The following SCRG1 variants were observed in gnomAD, a reference collection of about 807,000 sequenced individuals.
SCRG1 encodes the protein scrapie-responsive protein 1.
In SCRG1, 3 loss-of-function variants were observed where a neutral mutation model predicts 7.7. The observed-to-expected ratio is 0.39, with a 90% confidence interval of 0.18 to 1.01. The LOEUF is 1.01. Ranked by LOEUF, SCRG1 falls within the 50% of genes least tolerant of loss-of-function variation. The pLI is 0.36. For synonymous variants in SCRG1, 46 were observed against 41.2 expected, an observed-to-expected ratio of 1.12 and a Z score of -0.44; for missense variants, 110 against 117.2, an observed-to-expected ratio of 0.94 and a Z score of 0.28.
chr4:173,470,102 TTC>T, the SCRG1 span: 1 of 146,496 alleles, frequency 6.8e-6, no homozygotes, highest in East Asian at 2.1e-4. Flanking sequence ...TTTCTCTTTT[TTC>T]TCTCTCTCCC....
the SCRG1 span, among the ~76,000 whole-genome samples, chr4:173,444,117 G>A: frequency 1.3e-5 from 2 of 152,052 alleles, no homozygotes; most frequent in Admixed American, 1.3e-4. Context: ...GGGATTACAG[G>A]TGCCCGCCAC....
At chr4:173,434,556 C>G in the SCRG1 span, among the ~76,000 whole-genome samples, 1 of 152,134 alleles carries the variant, frequency 6.6e-6, no homozygotes, top group Non-Finnish European at 1.5e-5. Flanking sequence ...AATTGCCGGG[C>G]GTGGTGGCTC....
chr4:173,454,775 T>C, the SCRG1 span, among the ~76,000 whole-genome samples: 1 of 152,144 alleles, frequency 6.6e-6, no homozygotes. Context: ...GGCAGACTGA[T>C]AGACGTGACA....
the SCRG1 span, among the ~76,000 whole-genome samples, chr4:173,476,027 G>A: frequency 3.9e-5 from 6 of 152,216 alleles, no homozygotes; most frequent in African/African-American, 1.4e-4. Context: ...GCATAACAAT[G>A]TGAATGTACT....
At chr4:173,518,961 C>G in the SCRG1 span, among the ~76,000 whole-genome samples, 3 of 151,768 alleles carry the variant, frequency 2.0e-5, no homozygotes, top group South Asian at 6.3e-4. Context: ...ACGTCCTGTC[C>G]GCCGCGCCCC....
chr4:173,510,508 GGTA>G, the SCRG1 span, among the ~76,000 whole-genome samples: 5 of 152,004 alleles, frequency 3.3e-5, no homozygotes, highest in South Asian at 6.2e-4. The surrounding 1 kb of genome is among the most constrained non-coding windows in gnomAD (Gnocchi z 5.7). Flanking sequence ...GGCACATCCA[GGTA>G]GCTCTGTCAG....
the SCRG1 span, among the ~76,000 whole-genome samples, chr4:173,418,548 C>G: frequency 1.3e-5 from 2 of 152,180 alleles, no homozygotes; most frequent in African/African-American, 4.8e-5. Flanking sequence ...GCACCAAAAG[C>G]TGACCAGTAC....
the SCRG1 span, among the ~76,000 whole-genome samples, chr4:173,502,627 T>C: frequency 2.0e-5 from 3 of 152,128 alleles, no homozygotes; most frequent in African/African-American, 4.8e-5. This position sits in a 1 kb window ranked among gnomAD's most constrained non-coding sequence, Gnocchi z 4.6. Context: ...GCTGCAAAGA[T>C]TGGATCAAAC....
chr4:173,483,484 A>AAT, the SCRG1 span, among the ~76,000 whole-genome samples: 2 of 61,618 alleles, frequency 3.2e-5, no homozygotes, highest in Non-Finnish European at 5.1e-5. Context: ...TCTGATATAT[A>AAT]ATATATTATA....
At chr4:173,497,989 C>T in the SCRG1 span, among the ~76,000 whole-genome samples, 1 of 152,202 alleles carries the variant, frequency 6.6e-6, no homozygotes, top group Non-Finnish European at 1.5e-5. Context: ...CTACCTTACT[C>T]TTAATGGTGA....
the SCRG1 span, among the ~76,000 whole-genome samples, chr4:173,506,754 G>GT: frequency 6.6e-6 from 1 of 152,176 alleles, no homozygotes; most frequent in Admixed American, 6.5e-5. The surrounding 1 kb of genome is among the most constrained non-coding windows in gnomAD (Gnocchi z 5.3). Context: ...CCTCAGTCCT[G>GT]TTACGGTGGC....
At chr4:173,465,041 A>G in the SCRG1 span, among the ~76,000 whole-genome samples, 2 of 152,332 alleles carry the variant, frequency 1.3e-5, no homozygotes, top group South Asian at 4.1e-4. Flanking sequence ...TAGTATAGTC[A>G]AATTCACAGT....
the SCRG1 span, among the ~76,000 whole-genome samples, chr4:173,438,647 G>A: frequency 4.6e-5 from 7 of 151,812 alleles, no homozygotes; most frequent in African/African-American, 1.7e-4. Context: ...AAATACCATC[G>A]AAATGTTTGA....
chr4:173,412,095 C>T, the SCRG1 span, among the ~76,000 whole-genome samples: 1 of 152,182 alleles, frequency 6.6e-6, no homozygotes, highest in East Asian at 1.9e-4. Context: ...CAGCTTCCAC[C>T]TTGGTCTTCT....
At chr4:173,492,387 G>T in the SCRG1 span, among the ~76,000 whole-genome samples, 3 of 152,062 alleles carry the variant, frequency 2.0e-5, no homozygotes, top group Admixed American at 2.0e-4. Flanking sequence ...TCCTGGATTG[G>T]ACTCATTCCC....
chr4:173,439,996 A>G, the SCRG1 span, among the ~76,000 whole-genome samples: 1 of 152,238 alleles, frequency 6.6e-6, no homozygotes, highest in African/African-American at 2.4e-5. Context: ...GCTTCAGAGA[A>G]GTCTTTCTGA....
chr4:173,447,846 T>C, the SCRG1 span, among the ~76,000 whole-genome samples: 10 of 152,312 alleles, frequency 6.6e-5, no homozygotes, highest in African/African-American at 2.2e-4. Context: ...TGTTAATCTC[T>C]GTAATCCTAG....
At chr4:173,484,272 T>C in the SCRG1 span, among the ~76,000 whole-genome samples, 1 of 78,162 alleles carries the variant, frequency 1.3e-5, no homozygotes, top group Non-Finnish European at 2.2e-5. Context: ...ATATATTTTA[T>C]ATATCATATA....
chr4:173,477,135 C>T, the SCRG1 span, among the ~76,000 whole-genome samples: 7 of 152,138 alleles, frequency 4.6e-5, no homozygotes, highest in African/African-American at 1.7e-4. Context: ...AAGCTTGGCT[C>T]TTCCAGCCAA....
Sources: allele counts gnomAD v4.1 joint callset (sites outside exome capture counted in the v4.1 genomes callset), GRCh38; gene constraint gnomAD v4.1.1; non-coding constraint Gnocchi (gnomAD v3.1); transcripts MANE v1.5; gene names NCBI Gene and HGNC (gene_info 2026-07-23, HGNC 2026-07-21).